The following METTL25 variants were observed in gnomAD, a reference collection of about 807,000 sequenced individuals.
METTL25 encodes methyltransferase like 25.
In METTL25, 64 loss-of-function variants were observed where a neutral mutation model predicts 71.6. The observed-to-expected ratio is 0.89, with a 90% CI of 0.73 to 1.10. The LOEUF (loss-of-function observed/expected upper bound fraction) is 1.10, where lower values mean the gene tolerates loss of function less well. Ranked by LOEUF, METTL25 falls within the 50% of genes least tolerant of loss-of-function variation. The pLI, the probability that METTL25 is intolerant of heterozygous loss-of-function variation, is 0.00. For synonymous variants in METTL25, 287 were observed against 250.3 expected, an observed-to-expected ratio of 1.15 and a Z score of -1.38; for missense variants, 807 against 707.0, an observed-to-expected ratio of 1.14 and a Z score of -1.60.
At chr12:82,438,594 A>T in intron 7 of METTL25, 124 bp from the exon 8 acceptor site, 1 of 458,456 alleles carries the variant, frequency 2.2e-6, no homozygotes, top group Non-Finnish European at 3.6e-6. Flanking sequence ...AAAAATTATT[A>T]AGTCATCCTC....
intron 7 of METTL25, among the ~76,000 whole-genome samples, chr12:82,438,164 A>G (rs1055663192): frequency 1.3e-5 from 2 of 151,706 alleles, no homozygotes; most frequent in South Asian, 4.2e-4. Flanking sequence ...TCAAGAGTGC[A>G]ATCTCTTATC....
At chr12:82,434,585 C>A in intron 6 of METTL25, 110 bp from the exon 7 acceptor site, 1 of 833,764 alleles carries the variant, frequency 1.2e-6, no homozygotes. Flanking sequence ...TACATATTAT[C>A]ACATAATTAA....
chr12:82,448,258 A>G (rs912363291), intron 8 of METTL25, among the ~76,000 whole-genome samples: 1 of 152,108 alleles, frequency 6.6e-6, no homozygotes, highest in Non-Finnish European at 1.5e-5. Context: ...CATTATCCTG[A>G]AAGTTCTTTA....
intron 5 of METTL25, among the ~76,000 whole-genome samples, chr12:82,409,628 C>T (rs1887395212): frequency 6.6e-6 from 1 of 152,066 alleles, no homozygotes; most frequent in Admixed American, 6.6e-5. Flanking sequence ...GACTGATCTG[C>T]TCCTTCCCTG....
chr12:82,453,018 G>A (rs1891255198), intron 8 of METTL25, among the ~76,000 whole-genome samples: 1 of 152,064 alleles, frequency 6.6e-6, no homozygotes, highest in African/African-American at 2.4e-5. Context: ...TTAAATAAAT[G>A]TTTTTTAAAA....
intron 7 of METTL25, among the ~76,000 whole-genome samples, chr12:82,435,672 T>C (rs1427269018): frequency 1.3e-5 from 2 of 151,252 alleles, no homozygotes; most frequent in African/African-American, 4.8e-5. Flanking sequence ...TCTTTATCTG[T>C]AAAATAGGGA....
At position 82,466,478 on chromosome 12, in the gene METTL25, T is replaced by C. The variant is rs369797812; in HGVS notation, c.1572+9658T>C. ...AAGATATTTGGTATGATTTTGATTT[T>C]TTAAAATTTTTGAGACTTTTTTGTG... On this transcript the variant is annotated intron_variant, in intron 9 of 11. Transcript: ENST00000248306. 2.6e-5 allele frequency among the ~76,000 whole-genome samples: 4 copies of C among 152,228 alleles called. No homozygotes were observed. The East Asian group carries it at 5.8e-4, about 22-fold the overall frequency.
intron 3 of METTL25, 121 bp from the exon 4 acceptor site, chr12:82,398,674 A>C: frequency 2.0e-6 from 1 of 507,132 alleles, no homozygotes; most frequent in East Asian, 4.0e-5. Flanking sequence ...TCATAGGAAT[A>C]AAAAAAAATT....
At chr12:82,443,299 T>G (rs1042061443) in intron 8 of METTL25, among the ~76,000 whole-genome samples, 3 of 143,198 alleles carry the variant, frequency 2.1e-5, no homozygotes, top group Non-Finnish European at 3.1e-5. Context: ...GTGAGAGGAG[T>G]GAAGGAGGGA....
chr12:82,387,617 C>T (rs1885162600), intron 2 of METTL25, among the ~76,000 whole-genome samples: 1 of 151,752 alleles, frequency 6.6e-6, no homozygotes, highest in African/African-American at 2.4e-5. Context: ...AGAAAAGTTA[C>T]AAGAATAGTA....
intron 2 of METTL25, among the ~76,000 whole-genome samples, chr12:82,387,221 G>A (rs1248694337): frequency 6.6e-6 from 1 of 151,932 alleles, no homozygotes; most frequent in Non-Finnish European, 1.5e-5. Flanking sequence ...GATAGTTCCT[G>A]CCCCTCAAAC....
At chr12:82,466,332 GT>G (rs34191300) in intron 9 of METTL25, among the ~76,000 whole-genome samples, 121,843 of 144,480 alleles carry the variant, frequency 0.84, 51,510 homozygotes, top group East Asian at 0.99. Context: ...TTCATTCTTA[GT>G]TTTTTTTTTT....
At chr12:82,423,045 A>G (rs1457533129) in intron 5 of METTL25, among the ~76,000 whole-genome samples, 2 of 152,068 alleles carry the variant, frequency 1.3e-5, no homozygotes, top group Non-Finnish European at 2.9e-5. Flanking sequence ...GGAAAAAACT[A>G]AAGTTCATAT....
chr12:82,446,699 C>G (rs1352090098), intron 8 of METTL25, among the ~76,000 whole-genome samples: 1 of 151,440 alleles, frequency 6.6e-6, no homozygotes, highest in Non-Finnish European at 1.5e-5. Flanking sequence ...TCACTGCAAC[C>G]TCCGCTTCAC....
At chr12:82,439,731 C>T (rs1890182387) in intron 8 of METTL25, 1 of 253,896 alleles carries the variant, frequency 3.9e-6, no homozygotes. Flanking sequence ...TCATGTGCTC[C>T]TGAAAACTAG....
At chr12:82,415,667 G>A (rs1222260563) in intron 5 of METTL25, among the ~76,000 whole-genome samples, 1 of 152,128 alleles carries the variant, frequency 6.6e-6, no homozygotes, top group Admixed American at 6.6e-5. Flanking sequence ...ATGCAGTGAG[G>A]TAGTGAGGGA....
chr12:82,437,599 T>C (rs902658372), intron 7 of METTL25, among the ~76,000 whole-genome samples: 1 of 151,732 alleles, frequency 6.6e-6, no homozygotes, highest in Admixed American at 6.6e-5. Context: ...AAATTTATTT[T>C]GCTATAAACT....
At chr12:82,367,673 G>A (rs1423343059) in intron 1 of METTL25, among the ~76,000 whole-genome samples, 1 of 152,250 alleles carries the variant, frequency 6.6e-6, no homozygotes, top group Non-Finnish European at 1.5e-5. Flanking sequence ...CCACTCAACA[G>A]CTTTCAGATT....
In METTL25 at chr12:82,358,796, C is replaced by G. The variant is rs748223982; in HGVS notation, c.231C>G (p.Arg77=). ...SETEALPSET[R]PLVEAEWEAG... is the part of the protein sequence containing the mutation. ...CGGAGGCCCTGCCCTCAGAGACGCGCCCCCTAGTGGAAGCAGAGTGGGAAG... is the reference window on the plus strand; with the variant it reads ...CGGAGGCCCTGCCCTCAGAGACGCGGCCCCTAGTGGAAGCAGAGTGGGAAG... Residue 77 remains arginine, a synonymous_variant, in exon 1 of 12, where the codon CGC becomes CGG. Transcript: ENST00000248306. 1 of 1,613,382 alleles carries G rather than the reference C, an allele frequency of 6.2e-7. No individual in the cohort carries two copies.
Sources: allele counts gnomAD v4.1 joint callset (sites outside exome capture counted in the v4.1 genomes callset), GRCh38; gene constraint gnomAD v4.1.1; transcripts MANE v1.5; gene names NCBI Gene and HGNC (gene_info 2026-07-23, HGNC 2026-07-21).